Variants in NOS1AP observed in about 807,000 individuals in gnomAD.
The protein encoded by NOS1AP is nitric oxide synthase 1 adaptor protein.
A neutral mutation model predicts 56.2 loss-of-function variants in NOS1AP; 21 were observed. The observed-to-expected ratio is 0.37, with a 90% CI of 0.26 to 0.54. NOS1AP has a LOEUF of 0.54. Ranked by LOEUF, NOS1AP falls within the 20% of genes least tolerant of loss-of-function variation. NOS1AP has a pLI of 0.84. For missense variants in NOS1AP, 522 were observed against 657.8 expected (o/e 0.79, Z 2.26); for synonymous variants, 270 against 274.6 (o/e 0.98, Z 0.17).
chr1:162,304,563 A>C (rs571309365), intron 4 of NOS1AP, among the ~76,000 whole-genome samples: 1 of 133,836 alleles, frequency 7.5e-6, no homozygotes, highest in East Asian at 2.5e-4. Context: ...ATACATTTTA[A>C]ATGTTAAATG....
intron 2 of NOS1AP, among the ~76,000 whole-genome samples, chr1:162,177,816 G>A (rs1651116742): frequency 6.6e-6 from 1 of 152,114 alleles, no homozygotes; most frequent in South Asian, 2.1e-4. Context: ...TGGCACATTG[G>A]TTACAACTGA....
At chr1:162,215,673 C>T (rs558677013) in intron 2 of NOS1AP, among the ~76,000 whole-genome samples, 4 of 152,174 alleles carry the variant, frequency 2.6e-5, no homozygotes. Context: ...AGTGTGTCAT[C>T]CAGATGGTCT....
chr1:162,287,136 G>T (rs1032734248), intron 2 of NOS1AP, among the ~76,000 whole-genome samples: 2 of 152,110 alleles, frequency 1.3e-5, no homozygotes, highest in Non-Finnish European at 2.9e-5. Context: ...CTGAGAAGTG[G>T]TATAGACTAT....
At chr1:162,338,111 G>A (rs1485582845) in intron 5 of NOS1AP, among the ~76,000 whole-genome samples, 1 of 152,156 alleles carries the variant, frequency 6.6e-6, no homozygotes, top group East Asian at 1.9e-4. Context: ...TCAAGACAAG[G>A]ACATTATCTT....
At chr1:162,166,652 A>T (rs1205196459) in intron 2 of NOS1AP, among the ~76,000 whole-genome samples, 1 of 152,188 alleles carries the variant, frequency 6.6e-6, no homozygotes, top group Non-Finnish European at 1.5e-5. Context: ...GTCTTTTTGA[A>T]GGCAGGGACT....
intron 3 of NOS1AP, among the ~76,000 whole-genome samples, chr1:162,299,282 G>A (rs773217194): frequency 1.4e-5 from 2 of 145,226 alleles, no homozygotes; most frequent in Admixed American, 1.4e-4. Flanking sequence ...TCTCTATGTG[G>A]CTGGAACATT....
intron 2 of NOS1AP, among the ~76,000 whole-genome samples, chr1:162,237,216 G>A (rs1443476576): frequency 2.0e-5 from 3 of 152,194 alleles, no homozygotes; most frequent in Non-Finnish European, 2.9e-5. Flanking sequence ...TTTTAACTGG[G>A]CAAATTCTCA....
intron 2 of NOS1AP, among the ~76,000 whole-genome samples, chr1:162,236,249 T>C (rs1294132406): frequency 6.6e-6 from 1 of 152,210 alleles, no homozygotes; most frequent in African/African-American, 2.4e-5. Flanking sequence ...AACTTTCTAA[T>C]ACCAATCAGC....
intron 5 of NOS1AP, among the ~76,000 whole-genome samples, chr1:162,341,794 T>G (rs1397380374): frequency 4.6e-5 from 7 of 152,228 alleles, no homozygotes; most frequent in Non-Finnish European, 2.9e-5. Context: ...GAGCCTTTAC[T>G]TCTCCCTTTT....
At chr1:162,146,991 C>A (rs764351861) in intron 1 of NOS1AP, among the ~76,000 whole-genome samples, 3 of 152,114 alleles carry the variant, frequency 2.0e-5, no homozygotes, top group Non-Finnish European at 4.4e-5. Flanking sequence ...ACTAGCTACT[C>A]CAACTTTATC....
chr1:162,194,125 T>C (rs954743643), intron 2 of NOS1AP, among the ~76,000 whole-genome samples: 2 of 152,186 alleles, frequency 1.3e-5, no homozygotes, highest in Non-Finnish European at 2.9e-5. Flanking sequence ...GTTTCCCATC[T>C]CAGACTCCTC....
intron 4 of NOS1AP, among the ~76,000 whole-genome samples, chr1:162,327,245 G>A (rs959252437): frequency 6.6e-6 from 1 of 152,050 alleles, no homozygotes; most frequent in Admixed American, 6.5e-5. Flanking sequence ...TAGAACATAT[G>A]TAATTTTAAA....
At chr1:162,072,276 G>A (rs1399505667) in intron 1 of NOS1AP, among the ~76,000 whole-genome samples, 1 of 152,192 alleles carries the variant, frequency 6.6e-6, no homozygotes, top group East Asian at 1.9e-4. Flanking sequence ...CCAGGACTAT[G>A]TACCTTTAAC....
chr1:162,332,583 A>G (rs1181523280), intron 4 of NOS1AP, among the ~76,000 whole-genome samples: 2 of 152,130 alleles, frequency 1.3e-5, no homozygotes, highest in African/African-American at 4.8e-5. Flanking sequence ...GTCCCTCCCA[A>G]TGTGGTAAAC....
rs1233273330 is a variant in NOS1AP at position 162,344,702 on chromosome 1, C to T, written c.595+726C>T. 1.6e-5 allele frequency among the ~76,000 whole-genome samples: 2 copies of T among 123,340 alleles called. 1 individual carries two copies. The highest frequency in any genetic ancestry group is 3.4e-5 in the Non-Finnish European group (2 of 59,498). 80.9% of individuals were successfully genotyped at this position (123,340 alleles called of 152,430 possible). ...CTCCAGCTTGGGCTACAGAGCTAGG[C>T]TGCCTCAAAAAAAAAAAAGTCAGGA... On this transcript the variant is annotated intron_variant, in intron 6 of 9. Coordinates refer to ENST00000361897, the MANE Select transcript of NOS1AP (RefSeq NM_014697.3).
intron 2 of NOS1AP, among the ~76,000 whole-genome samples, chr1:162,257,597 C>T (rs550998911): frequency 5.3e-5 from 8 of 150,940 alleles, no homozygotes; most frequent in Non-Finnish European, 8.8e-5. Flanking sequence ...TGCAGTGAGC[C>T]GAGATCATGC....
chr1:162,266,785 A>G (rs796231847), intron 2 of NOS1AP, among the ~76,000 whole-genome samples: 35 of 152,300 alleles, frequency 2.3e-4, no homozygotes, highest in African/African-American at 8.2e-4. Flanking sequence ...TTAAAATATT[A>G]TACTACGATG....
intron 1 of NOS1AP, among the ~76,000 whole-genome samples, chr1:162,076,859 T>G (rs1691780854): frequency 6.6e-6 from 1 of 152,254 alleles, no homozygotes; most frequent in Non-Finnish European, 1.5e-5. Context: ...TGTGGTCTTT[T>G]GTGTCTGACT....
intron 2 of NOS1AP, among the ~76,000 whole-genome samples, chr1:162,275,934 C>T (rs1654715543): frequency 6.6e-6 from 1 of 152,144 alleles, no homozygotes; most frequent in South Asian, 2.1e-4. Flanking sequence ...AGTTGGCAAA[C>T]CATGGCTCAT....
Sources: allele counts gnomAD v4.1 joint callset (sites outside exome capture counted in the v4.1 genomes callset), GRCh38; gene constraint gnomAD v4.1.1; transcripts MANE v1.5; gene names NCBI Gene and HGNC (gene_info 2026-07-23, HGNC 2026-07-21).